Variants in RABGAP1L observed in about 807,000 individuals in gnomAD.
RABGAP1L encodes RAB GTPase activating protein 1 like, also known as rab GTPase-activating protein 1-like.
A neutral mutation model predicts 137.7 loss-of-function variants in RABGAP1L; 63 were observed. That is an observed-to-expected ratio of 0.46 (90% CI 0.37 to 0.56). RABGAP1L has a LOEUF of 0.56. Among genes scored for constraint, RABGAP1L ranks in the 20% least tolerant of loss-of-function variants. RABGAP1L has a pLI of 0.00. For synonymous variants in RABGAP1L, 431 were observed against 433.7 expected (o/e 0.99, Z 0.08); for missense variants, 1,095 against 1,244.0 (o/e 0.88, Z 1.80).
Position 174,331,506 on chromosome 1 carries a change from A to G in RABGAP1L, c.1465+26379A>G, listed in dbSNP as rs555311057. The stretch of plus-strand genomic sequence containing the variant: ...GAATAGATATTTCTCCAAAGATGAC[A>G]TACAAATAGTCAACAGGTTTATGAT... On this transcript the variant is annotated intron_variant, in intron 11 of 25. Transcript: ENST00000681986. Among the ~76,000 whole-genome samples, 67 of 152,370 alleles carry G rather than the reference A, an allele frequency of 4.4e-4. 1 individual carries two copies. In the South Asian group the frequency reaches 0.013, roughly 30 times the overall value.
At chr1:174,652,598 A>C (rs1675618704) in intron 14 of RABGAP1L, among the ~76,000 whole-genome samples, 1 of 152,074 alleles carries the variant, frequency 6.6e-6, no homozygotes, top group Admixed American at 6.5e-5. Flanking sequence ...TCCATTCCAG[A>C]CCTTGTTTGC....
intron 13 of RABGAP1L, among the ~76,000 whole-genome samples, chr1:174,635,863 C>A (rs1485343649): frequency 1.3e-5 from 2 of 152,126 alleles, no homozygotes; most frequent in Admixed American, 1.3e-4. Context: ...AATCAACCAC[C>A]CCCTTCTTGT....
intron 19 of RABGAP1L, among the ~76,000 whole-genome samples, chr1:174,944,264 A>G (rs1355563330): frequency 2.7e-5 from 4 of 147,912 alleles, no homozygotes; most frequent in African/African-American, 1.0e-4. Context: ...GCAACAGAAC[A>G]AGACTGTCTC....
intron 13 of RABGAP1L, among the ~76,000 whole-genome samples, chr1:174,633,063 T>C (rs1262949450): frequency 2.0e-5 from 3 of 151,988 alleles, no homozygotes; most frequent in East Asian, 3.9e-4. Context: ...AAATAAAGGG[T>C]ATTCAATTAG....
chr1:174,655,589 G>A lies in RABGAP1L; in HGVS notation c.1824+18101G>A, dbSNP rs564094028. On this transcript the variant is annotated intron_variant, in intron 14 of 25. Coordinates refer to ENST00000681986, the MANE Select transcript of RABGAP1L (RefSeq NM_001366446.1). The stretch of plus-strand genomic sequence containing the variant: ...AGGTGTGTCTACCAGGCTACTCCAC[G>A]ATGAAATTACTCTTTTCCCCATTGT... Among the ~76,000 whole-genome samples the A allele has an allele frequency of 5.3e-5, 8 of 152,242 alleles. No homozygotes were observed. In the South Asian group the frequency reaches 1.5e-3, roughly 28 times the overall value.
At chr1:174,483,857 G>A (rs1659372287) in intron 13 of RABGAP1L, among the ~76,000 whole-genome samples, 1 of 152,022 alleles carries the variant, frequency 6.6e-6, no homozygotes, top group African/African-American at 2.4e-5. Flanking sequence ...AAATAATGCT[G>A]CAATAAACAT....
At chr1:174,526,696 T>G (rs1046981051) in intron 13 of RABGAP1L, among the ~76,000 whole-genome samples, 1 of 152,134 alleles carries the variant, frequency 6.6e-6, no homozygotes, top group African/African-American at 2.4e-5. Context: ...TTTTTCATTT[T>G]TTAAAAATTT....
At chr1:174,540,928 ATGGGATGTTCTTCCATT>A (rs1453110661) in intron 13 of RABGAP1L, among the ~76,000 whole-genome samples, 1 of 152,230 alleles carries the variant, frequency 6.6e-6, no homozygotes, top group Non-Finnish European at 1.5e-5. Context: ...ATCCACGAGC[ATGGGATGTTCTTCCATT>A]TGTTTGTGTC....
intron 5 of RABGAP1L, chr1:174,245,393 GTATT>G (rs1363226972): frequency 6.6e-6 from 1 of 152,110 alleles, no homozygotes; most frequent in Non-Finnish European, 1.5e-5. Context: ...TTCTAAACAA[GTATT>G]TATTTAATTG....
intron 13 of RABGAP1L, among the ~76,000 whole-genome samples, chr1:174,402,560 A>T (rs891155591): frequency 2.6e-5 from 4 of 152,162 alleles, no homozygotes; most frequent in Non-Finnish European, 4.4e-5. Flanking sequence ...CTGTTGTTAC[A>T]TGATTCCTGC....
At chr1:174,640,728 A>C (rs944394244) in intron 14 of RABGAP1L, among the ~76,000 whole-genome samples, 2 of 151,834 alleles carry the variant, frequency 1.3e-5, no homozygotes, top group African/African-American at 4.8e-5. Context: ...TTCCTTTACC[A>C]ATCCTTATTC....
At chr1:174,962,428 CAAAGT>C (rs1260619919) in intron 20 of RABGAP1L, among the ~76,000 whole-genome samples, 12 of 152,158 alleles carry the variant, frequency 7.9e-5, no homozygotes, top group Non-Finnish European at 1.6e-4. Context: ...TGAGATTAAA[CAAAGT>C]AATTTTTAAA....
Position 174,439,217 on chromosome 1 carries a change from T to C in RABGAP1L, c.1710+45072T>C, listed in dbSNP as rs574752563. 2.3e-4 allele frequency among the ~76,000 whole-genome samples: 35 copies of C among 152,328 alleles called. No individual in the cohort carries two copies. The East Asian group carries it at 5.8e-3, about 25-fold the overall frequency. Reference sequence around the variant, plus strand: ...ATTATGCTAGATGTAGGTTTTCCCATAAAGTGTCTTTATCAGGTTGAGGAA... The same window carrying C: ...ATTATGCTAGATGTAGGTTTTCCCACAAAGTGTCTTTATCAGGTTGAGGAA... On this transcript the variant is annotated intron_variant, in intron 13 of 25. Coordinates refer to ENST00000681986, the MANE Select transcript of RABGAP1L (RefSeq NM_001366446.1).
intron 13 of RABGAP1L, among the ~76,000 whole-genome samples, chr1:174,598,327 A>C (rs1670133879): frequency 1.9e-5 from 1 of 51,988 alleles, no homozygotes; most frequent in Non-Finnish European, 3.1e-5. Flanking sequence ...ACTCTGTCTC[A>C]AAAAAAAAAA....
chr1:174,503,350 G>A (rs1439463136), intron 13 of RABGAP1L, among the ~76,000 whole-genome samples: 1 of 152,086 alleles, frequency 6.6e-6, no homozygotes, highest in Non-Finnish European at 1.5e-5. Flanking sequence ...TCAGGAAATA[G>A]CAGTTCATCA....
At chr1:174,200,064 TAGAGTA>T (rs1471853512) in intron 1 of RABGAP1L, among the ~76,000 whole-genome samples, 2 of 152,232 alleles carry the variant, frequency 1.3e-5, no homozygotes, top group East Asian at 1.9e-4. Flanking sequence ...CGTAACAAGT[TAGAGTA>T]AGAGGGAAGT....
chr1:174,918,716 A>G (rs1661283737), intron 19 of RABGAP1L, among the ~76,000 whole-genome samples: 1 of 152,316 alleles, frequency 6.6e-6, no homozygotes, highest in African/African-American at 2.4e-5. Context: ...GGTCATGGCT[A>G]TAGTGAGCCA....
At chr1:174,529,517 G>C (rs989839808) in intron 13 of RABGAP1L, among the ~76,000 whole-genome samples, 2 of 152,082 alleles carry the variant, frequency 1.3e-5, no homozygotes, top group Non-Finnish European at 2.9e-5. Context: ...TCAGTATTTG[G>C]GGCCTAGTGG....
chr1:174,390,408 G>T (rs1687126010), intron 12 of RABGAP1L, among the ~76,000 whole-genome samples: 1 of 152,144 alleles, frequency 6.6e-6, no homozygotes, highest in Non-Finnish European at 1.5e-5. Context: ...TAATCTTAAG[G>T]AGTATGTTTA....
Sources: gnomAD v4.1 joint callset for allele counts (sites outside exome capture counted in the v4.1 genomes callset) on GRCh38, gnomAD v4.1.1 for gene constraint, MANE v1.5 for transcripts, NCBI Gene and HGNC (gene_info 2026-07-23, HGNC 2026-07-21) for gene names.